The following ESRRG variants were observed in gnomAD, a reference collection of about 807,000 sequenced individuals.
ESRRG encodes the protein estrogen related receptor gamma.
In ESRRG, 13 loss-of-function variants were observed where a neutral mutation model predicts 44.0. The ratio of observed to expected loss-of-function variants is 0.30; its 90% CI spans 0.19 to 0.47. The LOEUF is 0.47. Ranked by LOEUF, ESRRG falls within the 20% of genes least tolerant of loss-of-function variation. The pLI is 1.00. For missense variants in ESRRG, 395 were observed against 580.6 expected, an observed-to-expected ratio of 0.68 and a Z score of 3.29; for synonymous variants, 215 against 214.6, an observed-to-expected ratio of 1.00 and a Z score of -0.02.
chr1:217,106,588 C>G (rs1404048483), intron 1 of ESRRG, among the ~76,000 whole-genome samples: 1 of 152,150 alleles, frequency 6.6e-6, no homozygotes, highest in Non-Finnish European at 1.5e-5. Flanking sequence ...GCATAAAGAA[C>G]CACATGGATC....
intron 1 of ESRRG, among the ~76,000 whole-genome samples, chr1:217,098,950 C>T (rs566637917): frequency 5.3e-5 from 8 of 152,294 alleles, no homozygotes; most frequent in African/African-American, 1.7e-4. Context: ...TCACCTTGCC[C>T]GCAGCCCAGT....
chr1:217,094,818 T>G (rs1274330377), intron 1 of ESRRG, among the ~76,000 whole-genome samples: 3 of 152,198 alleles, frequency 2.0e-5, no homozygotes, highest in Non-Finnish European at 2.9e-5. Flanking sequence ...TCAAAAGACA[T>G]GGTACAAACT....
intron 5 of ESRRG, among the ~76,000 whole-genome samples, chr1:216,552,327 T>C (rs1272657152): frequency 6.6e-6 from 1 of 152,190 alleles, no homozygotes; most frequent in East Asian, 1.9e-4. Context: ...GTGATAATGA[T>C]AAATATCAAT....
intron 5 of ESRRG, among the ~76,000 whole-genome samples, chr1:216,532,384 C>T (rs916815438): frequency 6.6e-6 from 1 of 152,020 alleles, no homozygotes; most frequent in Non-Finnish European, 1.5e-5. Context: ...CTAAAGTGAC[C>T]GCTAAACAGA....
chr1:217,110,703 A>C (rs752616862), intron 1 of ESRRG, among the ~76,000 whole-genome samples: 1 of 152,164 alleles, frequency 6.6e-6, no homozygotes, highest in Non-Finnish European at 1.5e-5. Context: ...ACTCACTATC[A>C]TAGGATAGCA....
chr1:216,619,544 A>G (rs1005681635), intron 3 of ESRRG, among the ~76,000 whole-genome samples: 3 of 152,188 alleles, frequency 2.0e-5, no homozygotes, highest in Admixed American at 2.0e-4. Context: ...CAGGAAGGGC[A>G]GTATTTTTTT....
intron 1 of ESRRG, among the ~76,000 whole-genome samples, chr1:216,721,828 C>G (rs1165607486): frequency 6.6e-6 from 1 of 152,164 alleles, no homozygotes; most frequent in Middle Eastern, 3.2e-3. Context: ...GGCAGTCTTA[C>G]CTTTGTTTAT....
intron 2 of ESRRG, among the ~76,000 whole-genome samples, chr1:216,848,425 G>A (rs1160576084): frequency 1.3e-5 from 2 of 150,004 alleles, no homozygotes; most frequent in South Asian, 2.1e-4. Flanking sequence ...TCATTAGGTC[G>A]CCCTGCTCAA....
At chr1:216,722,049 A>C (rs1274677847) in intron 1 of ESRRG, among the ~76,000 whole-genome samples, 3 of 152,214 alleles carry the variant, frequency 2.0e-5, no homozygotes, top group Non-Finnish European at 2.9e-5. Context: ...AGGAGCAGCC[A>C]CTGAGACTGC....
chr1:216,531,934 C>CA (rs921220375), intron 5 of ESRRG, among the ~76,000 whole-genome samples: 116 of 151,220 alleles, frequency 7.7e-4, no homozygotes, highest in African/African-American at 2.5e-3. Flanking sequence ...TGAAACCCTG[C>CA]AAAAAAAACC....
chr1:216,530,212 G>T (rs2048937522), intron 5 of ESRRG, among the ~76,000 whole-genome samples: 2 of 148,910 alleles, frequency 1.3e-5, no homozygotes, highest in South Asian at 4.4e-4. Flanking sequence ...GTCTAATATT[G>T]TAAGAACCTT....
intron 6 of ESRRG, among the ~76,000 whole-genome samples, chr1:216,518,594 G>A (rs1426739889): frequency 6.6e-6 from 1 of 152,154 alleles, no homozygotes; most frequent in Non-Finnish European, 1.5e-5. Context: ...ATTAGAGGTT[G>A]CTATTTTAGC....
chr1:217,006,428 A>T (rs182790548), intron 1 of ESRRG, among the ~76,000 whole-genome samples: 3 of 152,150 alleles, frequency 2.0e-5, no homozygotes, highest in Non-Finnish European at 4.4e-5. Flanking sequence ...TACAATATAC[A>T]TATAACTTCA....
intron 2 of ESRRG, among the ~76,000 whole-genome samples, chr1:216,671,191 G>C (rs1353078735): frequency 2.0e-5 from 3 of 152,144 alleles, no homozygotes; most frequent in African/African-American, 4.8e-5. Flanking sequence ...TATGTTTTAT[G>C]CAAGTTCCAA....
chr1:216,653,559 C>A (rs111652080), intron 2 of ESRRG, among the ~76,000 whole-genome samples: 6 of 152,138 alleles, frequency 3.9e-5, no homozygotes, highest in African/African-American at 1.2e-4. Flanking sequence ...GTCCTTCAGA[C>A]TTTCCTCTGA....
At chr1:216,849,652 A>C (rs1324937487) in intron 2 of ESRRG, among the ~76,000 whole-genome samples, 2 of 152,072 alleles carry the variant, frequency 1.3e-5, no homozygotes, top group African/African-American at 4.8e-5. Flanking sequence ...CTGCTTGAAA[A>C]ACTTTCCTTG....
chr1:217,106,400 A>G (rs1353916273), intron 1 of ESRRG, among the ~76,000 whole-genome samples: 1 of 151,582 alleles, frequency 6.6e-6, no homozygotes, highest in African/African-American at 2.4e-5. Flanking sequence ...ATGCACACAC[A>G]CACACACACA....
chr1:216,874,196 A>G (rs2096309823), intron 2 of ESRRG, among the ~76,000 whole-genome samples: 1 of 152,064 alleles, frequency 6.6e-6, no homozygotes, highest in Non-Finnish European at 1.5e-5. Flanking sequence ...GAACAATGAT[A>G]AACTCACTAC....
chr1:216,846,286 G>C (rs916294022), intron 2 of ESRRG, among the ~76,000 whole-genome samples: 1 of 151,856 alleles, frequency 6.6e-6, no homozygotes, highest in African/African-American at 2.4e-5. Context: ...TTCACTATAG[G>C]GATTTATTGC....
Sources: gnomAD v4.1 joint callset for allele counts (sites outside exome capture counted in the v4.1 genomes callset) on GRCh38, gnomAD v4.1.1 for gene constraint, MANE v1.5 for transcripts, NCBI Gene and HGNC (gene_info 2026-07-23, HGNC 2026-07-21) for gene names.